THBS4: variants seen among roughly 807,000 people sequenced by gnomAD.
The protein encoded by THBS4 is thrombospondin-4.
A neutral mutation model predicts 115.7 loss-of-function variants in THBS4; 90 were observed. The ratio of observed to expected loss-of-function variants is 0.78; its 90% CI spans 0.66 to 0.93. THBS4 has a LOEUF of 0.93. Ranked by LOEUF, THBS4 falls within the 40% of genes least tolerant of loss-of-function variation. The probability of loss-of-function intolerance (pLI) is 0.00; values close to 1 mark genes in which losing one functional copy is unlikely to be tolerated. For synonymous variants in THBS4, 460 were observed against 479.3 expected, an observed-to-expected ratio of 0.96 and a Z score of 0.53; for missense variants, 1,087 against 1,232.7, an observed-to-expected ratio of 0.88 and a Z score of 1.77.
At chr5:80,032,721 C>T (rs555719114), upstream of THBS4, among the ~76,000 whole-genome samples, 2 of 152,338 alleles carry the variant, frequency 1.3e-5, no homozygotes, top group Non-Finnish European at 2.9e-5. Context: ...CGCAGCAAGT[C>T]TGCTCTTCCG....
At chr5:80,049,215 G>A (rs1485351247) in intron 2 of THBS4, among the ~76,000 whole-genome samples, 2 of 152,166 alleles carry the variant, frequency 1.3e-5, no homozygotes, top group Non-Finnish European at 2.9e-5. Flanking sequence ...TCTGAAGATA[G>A]CAATATTTCA....
At chr5:80,062,181 A>C (rs961859478) in intron 8 of THBS4, among the ~76,000 whole-genome samples, 2 of 152,336 alleles carry the variant, frequency 1.3e-5, no homozygotes, top group Middle Eastern at 6.8e-3. Flanking sequence ...GCTTTGAAAA[A>C]TTAGGTCACT....
chr5:79,997,986 C>CA (rs1831828814), intron 1 of THBS4, among the ~76,000 whole-genome samples: 1 of 152,060 alleles, frequency 6.6e-6, no homozygotes, highest in East Asian at 1.9e-4. Flanking sequence ...GACAAGAAGC[C>CA]ACAGACTGGG....
At chr5:80,082,679 T>A (rs1490198808) in intron 21 of THBS4, 134 bp downstream of exon 21, 1 of 1,092,780 alleles carries the variant, frequency 9.2e-7, no homozygotes, top group Non-Finnish European at 1.3e-6. Flanking sequence ...TGATAGTCCC[T>A]GTGTACCAGA....
upstream of THBS4, chr5:80,033,327 T>C (rs1226648222): frequency 2.2e-5 from 5 of 231,020 alleles, no homozygotes; most frequent in Non-Finnish European, 4.8e-5. Flanking sequence ...GCAAATACTC[T>C]AGGTATTTTA....
At chr5:80,033,215 T>C, upstream of THBS4, 1 of 456,026 alleles carries the variant, frequency 2.2e-6, no homozygotes, top group Non-Finnish European at 4.5e-6. Flanking sequence ...ATCCTGCGGC[T>C]GATGGGGAAC....
chr5:80,070,122 T>C (rs769453995), intron 10 of THBS4, among the ~76,000 whole-genome samples, 184 bp from the exon 11 acceptor site: 13 of 28,260 alleles, frequency 4.6e-4, no homozygotes, highest in Non-Finnish European at 6.9e-4. Flanking sequence ...CCTTTATATC[T>C]TTGAATAGTG....
intron 15 of THBS4, chr5:80,074,291 T>G (rs1032107087): frequency 6.6e-6 from 1 of 152,176 alleles, no homozygotes; most frequent in Non-Finnish European, 1.5e-5. Context: ...AAGTGAGTTT[T>G]GTGAACCCTC....
intron 10 of THBS4, among the ~76,000 whole-genome samples, chr5:80,069,366 G>T (rs960518109): frequency 1.3e-5 from 2 of 152,202 alleles, no homozygotes; most frequent in Non-Finnish European, 2.9e-5. Context: ...AGAATGTGGT[G>T]TATCAGAGGG....
chr5:80,077,946 G>T, intron 16 of THBS4, 103 bp from the exon 17 acceptor site: 1 of 1,005,516 alleles, frequency 9.9e-7, no homozygotes, highest in Non-Finnish European at 1.4e-6. Context: ...CCTGGTTGTG[G>T]GAGCTTGAGC....
At chr5:80,080,232 A>C (rs1356011314) in intron 20 of THBS4, 155 bp downstream of exon 20, 23 of 871,778 alleles carry the variant, frequency 2.6e-5, no homozygotes, top group Non-Finnish European at 3.8e-5. Context: ...AACCTAGAAA[A>C]GAGGTGGGAG....
chr5:80,049,310 G>A (rs529841103), intron 2 of THBS4, among the ~76,000 whole-genome samples: 46 of 152,278 alleles, frequency 3.0e-4, no homozygotes, highest in African/African-American at 1.1e-3. Context: ...TGGTTCCTGT[G>A]TCCGGCTGGT....
chr5:80,040,496 A>C (rs1470788268), intron 2 of THBS4, among the ~76,000 whole-genome samples: 1 of 152,250 alleles, frequency 6.6e-6, no homozygotes, highest in East Asian at 1.9e-4. Context: ...GGAGAAAAAA[A>C]GAATTGCTGT....
intron 2 of THBS4, among the ~76,000 whole-genome samples, chr5:80,020,363 A>G (rs1399575556): frequency 6.6e-6 from 1 of 152,058 alleles, no homozygotes; most frequent in African/African-American, 2.4e-5. Flanking sequence ...AATCCCAACT[A>G]CTCGGGAGGC....
intron 14 of THBS4, chr5:80,072,734 C>G (rs759722841): frequency 1.2e-4 from 36 of 306,348 alleles, no homozygotes; most frequent in Non-Finnish European, 1.8e-4. Context: ...TCCCTAAACC[C>G]CTACACAGCC....
intron 2 of THBS4, among the ~76,000 whole-genome samples, chr5:80,047,783 G>A (rs948480589): frequency 5.9e-5 from 9 of 151,704 alleles, no homozygotes; most frequent in African/African-American, 1.7e-4. Context: ...ACAGGCAGGC[G>A]CCACCACACC....
At chr5:80,043,993 C>T (rs1032991194) in intron 2 of THBS4, among the ~76,000 whole-genome samples, 4 of 152,204 alleles carry the variant, frequency 2.6e-5, no homozygotes, top group Non-Finnish European at 5.9e-5. Context: ...TCCTTGGGGC[C>T]GCACATGCTG....
intron 2 of THBS4, among the ~76,000 whole-genome samples, chr5:80,051,728 A>T (rs1039200482): frequency 2.0e-5 from 3 of 152,240 alleles, no homozygotes; most frequent in Non-Finnish European, 4.4e-5. Flanking sequence ...CAATCATTTA[A>T]TTATTCATTT....
At chr5:80,079,485 A>C (rs1272665523) in intron 19 of THBS4, among the ~76,000 whole-genome samples, 2 of 152,174 alleles carry the variant, frequency 1.3e-5, no homozygotes, top group African/African-American at 4.8e-5. Flanking sequence ...GGTCAGAGAG[A>C]GGGAAGGTTT....
Sources: gnomAD v4.1 joint callset for allele counts (sites outside exome capture counted in the v4.1 genomes callset) on GRCh38, gnomAD v4.1.1 for gene constraint, MANE v1.5 for transcripts, NCBI Gene and HGNC (gene_info 2026-07-23, HGNC 2026-07-21) for gene names.